Variants in CLASP2 observed in about 807,000 individuals in gnomAD.
The protein encoded by CLASP2 is cytoplasmic linker associated protein 2.
In CLASP2, 47 loss-of-function variants were observed where a neutral mutation model predicts 194.4. The ratio of observed to expected loss-of-function variants is 0.24; its 90% confidence interval spans 0.19 to 0.31. The LOEUF (loss-of-function observed/expected upper bound fraction) is 0.31. CLASP2 is among the 10% of genes least tolerant of loss of function. The probability of loss-of-function intolerance (pLI) is 1.00; values close to 1 mark genes in which losing one functional copy is unlikely to be tolerated. For missense variants in CLASP2, 1,445 were observed against 1,823.6 expected (o/e 0.79, Z 3.78); for synonymous variants, 619 against 633.5 (o/e 0.98, Z 0.34).
chr3:33,575,074 AT>A (rs1296572697), intron 24 of CLASP2, among the ~76,000 whole-genome samples: 1 of 152,182 alleles, frequency 6.6e-6, no homozygotes, highest in East Asian at 1.9e-4. Flanking sequence ...CCCAGAAAAC[AT>A]GATTTGAGAT....
At position 33,581,283 on chromosome 3, in the gene CLASP2, T is replaced by C. The variant is rs183356006; in HGVS notation, c.2347+538A>G. On this transcript the variant is annotated intron_variant, in intron 23 of 38. Coordinates refer to ENST00000682230, the MANE Select transcript of CLASP2 (RefSeq NM_001365631.1). ...AATACAGTTGGGGACAAACAAGTTT[T>C]ACCGCAGTGACAAGAGCATTAGCTC... Among the ~76,000 whole-genome samples the C allele has an allele frequency of 6.0e-4, 91 of 152,308 alleles. 2 individuals carry two copies. The highest frequency in any genetic ancestry group is 1.8e-3 in the Admixed American group (28 of 15,304).
At chr3:33,676,673 C>T (rs1172651685) in intron 6 of CLASP2, among the ~76,000 whole-genome samples, 1 of 152,212 alleles carries the variant, frequency 6.6e-6, no homozygotes, top group Non-Finnish European at 1.5e-5. Context: ...ACACCAAAAA[C>T]TATGGCAACA....
At chr3:33,552,737 A>C (rs1162754700) in intron 29 of CLASP2, among the ~76,000 whole-genome samples, 1 of 152,162 alleles carries the variant, frequency 6.6e-6, no homozygotes, top group Non-Finnish European at 1.5e-5. Context: ...CTACTCTTTT[A>C]GCAAAAATCC....
At chr3:33,561,054 G>T in intron 27 of CLASP2, 83 bp from the exon 28 acceptor site, 1 of 1,207,566 alleles carries the variant, frequency 8.3e-7, no homozygotes. Flanking sequence ...AATACAGAAA[G>T]GAACACAGGA....
intron 21 of CLASP2, among the ~76,000 whole-genome samples, chr3:33,592,058 C>T (rs1336092699): frequency 6.6e-6 from 1 of 152,164 alleles, no homozygotes; most frequent in African/African-American, 2.4e-5. Context: ...TTTAAAATAT[C>T]TCCATGCAAA....
intron 9 of CLASP2, among the ~76,000 whole-genome samples, chr3:33,627,815 G>C (rs551881329): frequency 6.6e-6 from 1 of 152,166 alleles, no homozygotes; most frequent in Non-Finnish European, 1.5e-5. Context: ...AGCTTGAGCT[G>C]AGAGCTAAAG....
At chr3:33,558,242 A>G (rs2061285960) in intron 29 of CLASP2, 1 of 152,128 alleles carries the variant, frequency 6.6e-6, no homozygotes. Flanking sequence ...TTTCTCCTGG[A>G]TGCATCCTCA....
intron 2 of CLASP2, among the ~76,000 whole-genome samples, chr3:33,695,764 A>C (rs1309743278): frequency 6.6e-6 from 1 of 151,936 alleles, no homozygotes; most frequent in Non-Finnish European, 1.5e-5. Context: ...ACATAACAAC[A>C]CCCCATCTCT....
chr3:33,563,735 C>G (rs368803217), intron 27 of CLASP2, among the ~76,000 whole-genome samples: 8 of 152,186 alleles, frequency 5.3e-5, no homozygotes, highest in Non-Finnish European at 1.2e-4. Context: ...CAACTCATGT[C>G]TCTTTGTTAC....
chr3:33,522,369 T>G (rs868190359), intron 34 of CLASP2, among the ~76,000 whole-genome samples: 4 of 152,126 alleles, frequency 2.6e-5, no homozygotes, highest in Non-Finnish European at 2.9e-5. Context: ...ATCTTTGGCA[T>G]AGAGAAAGCC....
rs368493299 is a variant in CLASP2, at chr3:33,617,952, T to TATATA, written c.1317+1650_1317+1651insTATAT. ...TTATTATTATATATATATATATATA[T>TATATA]TTTTTTTTTTTTTGAGATGGAGTTT... is the stretch of plus-strand genomic sequence containing the variant. On this transcript the variant is annotated intron_variant, in intron 12 of 38. Coordinates refer to ENST00000682230, the MANE Select transcript of CLASP2 (RefSeq NM_001365631.1). Among the ~76,000 whole-genome samples, 24 of 77,448 alleles carry TATATA rather than the reference T, an allele frequency of 3.1e-4. No homozygotes were observed. In the Middle Eastern group the frequency reaches 0.02, roughly 65 times the overall value. The allele number at this position is 77,448 out of a possible 152,430, so 50.8% of individuals were successfully genotyped here.
At chr3:33,580,602 T>C (rs1265808409) in intron 23 of CLASP2, among the ~76,000 whole-genome samples, 1 of 152,002 alleles carries the variant, frequency 6.6e-6, no homozygotes, top group Non-Finnish European at 1.5e-5. Context: ...AATTCTATAC[T>C]ACCATATGTA....
At chr3:33,529,609 C>T (rs2055611617) in intron 34 of CLASP2, among the ~76,000 whole-genome samples, 1 of 152,154 alleles carries the variant, frequency 6.6e-6, no homozygotes, top group African/African-American at 2.4e-5. Context: ...AAACCTAAGA[C>T]ACAAACACAC....
chr3:33,597,148 C>T (rs1406253860), intron 18 of CLASP2, among the ~76,000 whole-genome samples: 3 of 152,162 alleles, frequency 2.0e-5, no homozygotes, highest in Non-Finnish European at 4.4e-5. Context: ...TCATTAGCCT[C>T]TGTTTACCAC....
chr3:33,619,710 A>C lies in CLASP2; in HGVS notation c.1210T>G (p.Phe404Val). 1 of 1,587,874 alleles carries C rather than the reference A, an allele frequency of 6.3e-7. No homozygotes were observed. The part of the protein sequence containing the change: ...AHLSTVLGNK[F>V]DHGAEAIVPT... Reference sequence around the variant, plus strand: ...ACAATGGCTTCAGCGCCATGATCAAACTTGTTTCCCAAAACTGTTGAAAGG... The same window carrying C: ...ACAATGGCTTCAGCGCCATGATCAACCTTGTTTCCCAAAACTGTTGAAAGG... Residue 404 changes from phenylalanine to valine, a missense_variant, in exon 12 of 39, where the codon TTT becomes GTT. Phe to Val is a conservative substitution (Grantham distance 50, BLOSUM62 -1). Transcript: ENST00000682230.
chr3:33,590,926 A>G (rs897737751), intron 21 of CLASP2, among the ~76,000 whole-genome samples: 5 of 152,180 alleles, frequency 3.3e-5, no homozygotes, highest in African/African-American at 1.2e-4. Flanking sequence ...CATACCTATA[A>G]TCCCAGCATT....
chr3:33,618,375 T>C (rs1276928576), intron 12 of CLASP2, among the ~76,000 whole-genome samples: 2 of 152,150 alleles, frequency 1.3e-5, no homozygotes, highest in East Asian at 3.9e-4. Flanking sequence ...CTGGGCATGA[T>C]GGCTCACGCC....
chr3:33,597,783 C>T (rs1381105891), intron 18 of CLASP2, among the ~76,000 whole-genome samples: 2 of 148,252 alleles, frequency 1.3e-5, no homozygotes, highest in African/African-American at 5.0e-5. Context: ...AACAGAGTCT[C>T]GCCCTGTCAC....
intron 37 of CLASP2, 49 bp downstream of exon 37, chr3:33,510,509 G>T: frequency 1.3e-6 from 2 of 1,547,446 alleles, no homozygotes; most frequent in Non-Finnish European, 1.8e-6. Flanking sequence ...TAAAATAACT[G>T]TATCCCAAAT....
Sources: gnomAD v4.1 joint callset for allele counts (sites outside exome capture counted in the v4.1 genomes callset) on GRCh38, gnomAD v4.1.1 for gene constraint, MANE v1.5 for transcripts, NCBI Gene and HGNC (gene_info 2026-07-23, HGNC 2026-07-21) for gene names.